Variants in MAPK8IP2 observed in about 807,000 individuals in gnomAD.
MAPK8IP2 encodes mitogen-activated protein kinase 8 interacting protein 2, also known as C-Jun-amino-terminal kinase-interacting protein 2.
In MAPK8IP2, 15 loss-of-function variants were observed where a neutral mutation model predicts 75.6. The observed-to-expected ratio is 0.20, with a 90% CI of 0.13 to 0.31. The LOEUF is 0.31. Among genes scored for constraint, MAPK8IP2 ranks in the 10% least tolerant of loss-of-function variants. The pLI is 1.00. For synonymous variants in MAPK8IP2, 632 were observed against 554.5 expected, an observed-to-expected ratio of 1.14 and a Z score of -1.96; for missense variants, 1,089 against 1,211.2, an observed-to-expected ratio of 0.90 and a Z score of 1.50.
Position 50,603,366 on chromosome 22 carries a change from TG to T in MAPK8IP2, c.319del (p.Glu107LysfsTer37). ...AGGAGGAGGAGGAGGAGGAGGGAGA[TG>T]GGGAAGGCCAGGAGGGAGGAGACCC... is the stretch of plus-strand genomic sequence containing the variant. Reference protein sequence around the residue: ...EEEEEEEEGDGEGQEGGDPGS... With the variant: ...EEEEEEEEGDXEGQEGGDPGS... On this transcript the variant is annotated frameshift_variant, in exon 3 of 12. Transcript: ENST00000329492. LOFTEE classifies it high-confidence loss of function. The T allele has an allele frequency of 6.4e-7, 1 of 1,554,680 alleles. No homozygotes were observed.
At chr22:50,601,284 C>T (rs73445567) in intron 1 of MAPK8IP2, 10,653 of 157,284 alleles carry the variant, frequency 0.068, 605 homozygotes, top group African/African-American at 0.15. Context: ...CCGATAGGGC[C>T]CGGCCGGGAG....
At chr22:50,601,946 G>C (rs944699997) in intron 2 of MAPK8IP2, 52 bp downstream of exon 2, 1 of 1,465,634 alleles carries the variant, frequency 6.8e-7, no homozygotes, top group Admixed American at 1.7e-5. Context: ...GCCTCATTAG[G>C]TTCTTCTTAG....
Position 50,604,032 on chromosome 22 carries a change from A to C in MAPK8IP2, c.733A>C (p.Ser245Arg), listed in dbSNP as rs919550096. The change falls in exon 5 of 12, where the codon AGC becomes CGC. Residue 245 changes from serine to arginine, a missense_variant. This residue lies in a region of MAPK8IP2 where 960 missense variants were observed against 1,009.6 expected (regional missense o/e 0.95). Transcript: ENST00000329492. ...GAGCGGCGGCCGCGGGGGACGTCGC[A>C]GCAGCCAGGAGCTGTCCTCGCCCGG... ...RSSGGRGGRR[S>R]SQELSSPGSD... is the part of the protein sequence containing the mutation. 1.5e-5 allele frequency: 23 copies of C among 1,546,346 alleles called. No individual in the cohort carries two copies. Among genetic ancestry groups the C allele is most frequent in the Non-Finnish European group, 2.0e-5 (23 of 1,154,646 alleles).
chr22:50,601,964 T>G, intron 2 of MAPK8IP2, 70 bp downstream of exon 2: 2 of 1,349,930 alleles, frequency 1.5e-6, no homozygotes, highest in South Asian at 1.2e-5. Context: ...TAGCGTTCAC[T>G]TGGGGTTTTA....
At chr22:50,606,534 A>G in intron 8 of MAPK8IP2, 124 bp from the exon 9 acceptor site, 1 of 723,960 alleles carries the variant, frequency 1.4e-6, no homozygotes, top group Non-Finnish European at 2.5e-6. Context: ...ATTGCATCTC[A>G]GGGTCCTCAG....
rs1273093220 is a variant in MAPK8IP2, at chr22:50,604,757, G to A, written c.1458G>A (p.Ala486=). The A allele has an allele frequency of 1.3e-6, 2 of 1,543,368 alleles. No homozygotes were observed. Among genetic ancestry groups the A allele is most frequent in the South Asian group, 1.2e-5 (1 of 83,786 alleles). Residue 486 remains alanine (A), a synonymous_variant, in exon 5 of 12, where the codon GCG becomes GCA. Transcript: ENST00000329492. ...DEEEEDAEDS[A]GSPGGRGTGP... ...AAGAGGAGGATGCCGAGGACAGTGC[G>A]GGGTCCCCCGGGGGCAGGGGCACGG... is the stretch of plus-strand genomic sequence containing the variant.
At position 50,605,865 on chromosome 22, in the gene MAPK8IP2, G is replaced by A; in HGVS notation, c.2055G>A (p.Val685=). 6.3e-7 allele frequency: 1 copy of A among 1,587,336 alleles called. No homozygotes were observed. Among genetic ancestry groups the A allele is most frequent in the Non-Finnish European group, 8.6e-7 (1 of 1,168,156 alleles). Residue 685 remains valine, a synonymous_variant, in exon 8 of 12, where the codon GTG becomes GTA. Transcript: ENST00000329492. The part of the protein sequence containing the change: ...RSPCWVERFD[V]QFLGSVEVPC... Reference sequence around the variant, plus strand: ...CCTGCTGGGTGGAGCGCTTTGACGTGCAGTTCCTGGGCTCCGTGGAGGTGC... The same window carrying A: ...CCTGCTGGGTGGAGCGCTTTGACGTACAGTTCCTGGGCTCCGTGGAGGTGC...
rs774645705 is a variant in MAPK8IP2 at position 50,601,448 on chromosome 22, G to C, written c.66-341G>C. The stretch of plus-strand genomic sequence containing the variant: ...GAGCGACCCCTCCCCATCTGCCGCT[G>C]CCGCGTTGCAGCTCCCCCTCCCCTG... On this transcript the variant is annotated intron_variant, in intron 1 of 11. Coordinates refer to ENST00000329492, the MANE Select transcript of MAPK8IP2 (RefSeq NM_012324.6). The C allele has an allele frequency of 1.1e-3, 277 of 258,558 alleles. 3 individuals are homozygous for C. The highest frequency in any genetic ancestry group is 7.0e-3 in the Middle Eastern group (5 of 718). 16.0% of individuals were successfully genotyped at this position (258,558 alleles called of 1,614,324 possible).
At position 50,610,716 on chromosome 22, in the gene MAPK8IP2, C is replaced by T; in HGVS notation, c.2412C>T (p.Phe804=). 1 of 1,608,198 alleles carries T rather than the reference C, an allele frequency of 6.2e-7. No homozygotes were observed. Among genetic ancestry groups the T allele is most frequent in the Non-Finnish European group, 8.5e-7 (1 of 1,177,912 alleles). The stretch of plus-strand genomic sequence containing the variant: ...GACCGTCTTTCCCCAGCCGCGCCTT[C>T]CTGGAGTACTACCAAGAGCACCTGG... ...RPVAQSVGRA[F]LEYYQEHLAY... Residue 804 remains phenylalanine, a synonymous_variant, in exon 12 of 12, where the codon TTC becomes TTT. Transcript: ENST00000329492. This position sits in a 1 kb window ranked among gnomAD's most constrained non-coding sequence, Gnocchi z 4.3.
chr22:50,603,814 G>A, intron 4 of MAPK8IP2, 27 bp from the exon 5 acceptor site: 1 of 1,526,878 alleles, frequency 6.5e-7, no homozygotes, highest in Non-Finnish European at 8.8e-7. Context: ...GGTGCAGAGA[G>A]GGTGACCCCA....
chr22:50,610,081 C>G lies in MAPK8IP2; in HGVS notation c.2304-131C>G. On this transcript the variant is annotated intron_variant, in intron 10 of 11. Transcript: ENST00000329492. The surrounding 1 kb of genome is among the most constrained non-coding windows in gnomAD (Gnocchi z 4.3). The stretch of plus-strand genomic sequence containing the variant: ...GACAACTTCAGATCTTGAAATTGTG[C>G]GACCCCCACACTCCTGTCCCTTACC... 1 of 736,114 alleles carries G rather than the reference C, an allele frequency of 1.4e-6. No homozygotes were observed. The highest frequency in any genetic ancestry group is 2.4e-6 in the Non-Finnish European group (1 of 414,370). 45.6% of individuals were successfully genotyped at this position (736,114 alleles called of 1,614,324 possible). A position where few individuals can be genotyped will look rare whatever the true frequency, so the allele number is the denominator to read the frequency against.
Position 50,610,852 on chromosome 22 carries a change from C to A in MAPK8IP2, c.*73C>A. On this transcript the variant is annotated 3_prime_UTR_variant, in exon 12 of 12. Transcript: ENST00000329492. The surrounding 1 kb of genome is among the most constrained non-coding windows in gnomAD (Gnocchi z 4.3). Reference sequence around the variant, plus strand: ...GGCTGAGGATGTCTCAAGAGGCCACCATGGCTTTGGCAAGGACTGGATTGG... The same window carrying A: ...GGCTGAGGATGTCTCAAGAGGCCACAATGGCTTTGGCAAGGACTGGATTGG... The A allele has an allele frequency of 1.5e-6, 2 of 1,366,688 alleles. No homozygotes were observed. The highest frequency in any genetic ancestry group is 2.0e-6 in the Non-Finnish European group (2 of 990,052). The allele number at this position is 1,366,688 out of a possible 1,614,324, so 84.7% of individuals were successfully genotyped here. A position where few individuals can be genotyped will look rare whatever the true frequency, so the allele number is the denominator to read the frequency against.
Position 50,610,944 on chromosome 22 carries a change from C to A in MAPK8IP2, c.*165C>A. The A allele has an allele frequency of 1.7e-6, 1 of 601,650 alleles. No individual in the cohort carries two copies. The highest frequency in any genetic ancestry group is 2.9e-6 in the Non-Finnish European group (1 of 345,772). 37.3% of individuals were successfully genotyped at this position (601,650 alleles called of 1,614,324 possible). A position where few individuals can be genotyped will look rare whatever the true frequency, so the allele number is the denominator to read the frequency against. On this transcript the variant is annotated 3_prime_UTR_variant, in exon 12 of 12. Transcript: ENST00000329492. The surrounding 1 kb of genome is among the most constrained non-coding windows in gnomAD (Gnocchi z 4.3). ...GAACTCTCGTCCTCGGTCCCCAGGGCGCAGCTGTTGGGGCTGCGGGGGAGT... is the reference window on the plus strand; with the variant it reads ...GAACTCTCGTCCTCGGTCCCCAGGGAGCAGCTGTTGGGGCTGCGGGGGAGT...
rs1333247721 is a variant in MAPK8IP2, at chr22:50,607,074, C to G, written c.2303+83C>G. 3 of 1,137,118 alleles carry G rather than the reference C, an allele frequency of 2.6e-6. No homozygotes were observed. The East Asian group carries it at 7.1e-5, about 27-fold the overall frequency. 70.4% of individuals were successfully genotyped at this position (1,137,118 alleles called of 1,614,324 possible). A position where few individuals can be genotyped will look rare whatever the true frequency, so the allele number is the denominator to read the frequency against. On this transcript the variant is annotated intron_variant, in intron 10 of 11. Transcript: ENST00000329492. This position sits in a 1 kb window ranked among gnomAD's most constrained non-coding sequence, Gnocchi z 5.6. ...ACCGCCCCCTGAGTCCCCACAGACC[C>G]TGAGGGCTGCCCGTGCCCAGCCCTG...
At position 50,606,912 on chromosome 22, in the gene MAPK8IP2, C is replaced by G. The variant is rs754255985; in HGVS notation, c.2233-9C>G. On this transcript the variant is annotated splice_polypyrimidine_tract_variant and intron_variant, in intron 9 of 11. Transcript: ENST00000329492. The stretch of plus-strand genomic sequence containing the variant: ...TTGACACAGGGACTTCTGCCCACCT[C>G]TGCTCTAGTTCCAGCGCTGCAGCCA... 16 of 1,613,642 alleles carry G rather than the reference C, an allele frequency of 9.9e-6. 1 individual carries two copies. Among genetic ancestry groups the G allele is most frequent in the African/African-American group, 8.0e-5 (6 of 74,930 alleles).
At chr22:50,603,014 G>T in intron 2 of MAPK8IP2, 1 of 1,016,816 alleles carries the variant, frequency 9.8e-7, no homozygotes, top group South Asian at 1.8e-5. Context: ...TCATTCAGCT[G>T]TAGAGTTTAG....
intron 2 of MAPK8IP2, 65 bp from the exon 3 acceptor site, chr22:50,603,157 AG>A (rs2070964932): frequency 4.3e-6 from 7 of 1,609,716 alleles, no homozygotes; most frequent in East Asian, 4.5e-5. Flanking sequence ...CCCTTCTCCT[AG>A]CACCTGGGCC....
intron 8 of MAPK8IP2, among the ~76,000 whole-genome samples, chr22:50,606,206 C>G (rs1037837767): frequency 2.0e-5 from 3 of 152,250 alleles, no homozygotes; most frequent in Non-Finnish European, 4.4e-5. Flanking sequence ...CGACTGCCAT[C>G]AGCCCTTCCT....
Position 50,605,659 on chromosome 22 carries a change from A to G in MAPK8IP2, c.1939A>G (p.Met647Val). The G allele has an allele frequency of 6.2e-7, 1 of 1,612,720 alleles. No homozygotes were observed. The highest frequency in any genetic ancestry group is 8.5e-7 in the Non-Finnish European group (1 of 1,179,702). Residue 647 changes from methionine (M) to valine (V), a missense_variant, in exon 7 of 12, where the codon ATG (methionine) becomes GTG (valine). Met to Val is a conservative substitution (Grantham distance 21). This residue lies in a region of MAPK8IP2 where 960 missense variants were observed against 1,009.6 expected (regional missense o/e 0.95). Transcript: ENST00000329492. The part of the protein sequence containing the change: ...EDDFWFRGFN[M>V]RTGERGVFPA... ...CGACTTCTGGTTCCGTGGCTTCAAC[A>G]TGCGCACGGGGGAGCGCGGTGTGTT...
Sources: gnomAD v4.1 joint callset for allele counts (sites outside exome capture counted in the v4.1 genomes callset) on GRCh38, gnomAD v4.1.1 for gene constraint, gnomAD v4.1.1 regional missense constraint, Gnocchi (gnomAD v3.1) non-coding constraint, MANE v1.5 for transcripts, NCBI Gene and HGNC (gene_info 2026-07-23, HGNC 2026-07-21) for gene names.